FGF14: variants seen among roughly 807,000 people sequenced by gnomAD.
The protein encoded by FGF14 is fibroblast growth factor homologous factor 4.
In FGF14, 5 loss-of-function variants were observed where a neutral mutation model predicts 25.5. That is an observed-to-expected ratio of 0.20 (90% CI 0.10 to 0.41). The LOEUF is 0.41. Ranked by LOEUF, FGF14 falls within the 10% of genes least tolerant of loss-of-function variation. The pLI is 1.00. For missense variants in FGF14, 222 were observed against 320.1 expected (o/e 0.69, Z 2.34); for synonymous variants, 138 against 118.3 (o/e 1.17, Z -1.08).
upstream of FGF14, among the ~76,000 whole-genome samples, chr13:101,921,726 A>G (rs1216459289): frequency 2.6e-5 from 4 of 152,054 alleles, no homozygotes; most frequent in Non-Finnish European, 5.9e-5. Flanking sequence ...TTGTTCTCTG[A>G]CATCATCTCT....
At chr13:102,391,266 C>T (rs1406709742) in intron 1 of FGF14, among the ~76,000 whole-genome samples, 6 of 152,146 alleles carry the variant, frequency 3.9e-5, no homozygotes, top group Admixed American at 3.9e-4. Context: ...CACTTTGCTA[C>T]AACAAAGGGC....
At chr13:101,800,562 T>C (rs2040812323) in intron 3 of FGF14, among the ~76,000 whole-genome samples, 1 of 152,196 alleles carries the variant, frequency 6.6e-6, no homozygotes. Context: ...CTTCTAACTA[T>C]AATGCAATAA....
chr13:102,096,872 T>G (rs1188559645), intron 1 of FGF14, among the ~76,000 whole-genome samples: 1 of 152,316 alleles, frequency 6.6e-6, no homozygotes, highest in African/African-American at 2.4e-5. Context: ...ATTTAAAAAA[T>G]AAGAAGAAGA....
chr13:102,141,055 C>T (rs984378032), intron 1 of FGF14, among the ~76,000 whole-genome samples: 2 of 152,314 alleles, frequency 1.3e-5, no homozygotes, highest in South Asian at 2.1e-4. Context: ...TGACAGTAAA[C>T]ATGGCTACCA....
rs141896098 is a variant in FGF14 at position 101,835,510 on chromosome 13, A to G, written c.408+33215T>C. Among the ~76,000 whole-genome samples, 301 of 152,104 alleles carry G rather than the reference A, an allele frequency of 2.0e-3. 2 individuals carry two copies. The highest frequency in any genetic ancestry group is 7.1e-3 in the African/African-American group (293 of 41,516). On this transcript the variant is annotated intron_variant, in intron 3 of 4. Transcript: ENST00000376143. Reference sequence around the variant, plus strand: ...GGTCGACTATATCTTGTTATTGCCAATATAGCAGGGTAATCGATATGACTT... The same window carrying G: ...GGTCGACTATATCTTGTTATTGCCAGTATAGCAGGGTAATCGATATGACTT...
chr13:102,072,437 A>C (rs954767468), intron 1 of FGF14, among the ~76,000 whole-genome samples: 3 of 152,252 alleles, frequency 2.0e-5, no homozygotes, highest in African/African-American at 7.2e-5. Context: ...ATAAGGAATC[A>C]TCAAGAACAA....
intron 1 of FGF14, among the ~76,000 whole-genome samples, chr13:102,131,909 T>C (rs1003973188): frequency 2.6e-5 from 4 of 152,218 alleles, no homozygotes; most frequent in African/African-American, 9.6e-5. Context: ...AAAGTCAATA[T>C]TACCAACTGT....
chr13:101,950,298 A>C (rs745679682), intron 1 of FGF14, among the ~76,000 whole-genome samples: 24 of 152,230 alleles, frequency 1.6e-4, no homozygotes, highest in Non-Finnish European at 3.2e-4. Flanking sequence ...CATGTAGCTG[A>C]ATGTATCCTA....
At chr13:102,338,083 T>C (rs572957970) in intron 1 of FGF14, among the ~76,000 whole-genome samples, 10 of 152,082 alleles carry the variant, frequency 6.6e-5, no homozygotes, top group Non-Finnish European at 1.5e-4. Context: ...ATATTTTGTC[T>C]GGTTTTTTTT....
At chr13:101,960,730 A>G (rs977983241) in intron 1 of FGF14, among the ~76,000 whole-genome samples, 2 of 152,194 alleles carry the variant, frequency 1.3e-5, no homozygotes, top group Admixed American at 1.3e-4. Context: ...GCCAGGTCAA[A>G]CGGTATTTCT....
At chr13:102,112,461 T>C (rs1352961594) in intron 1 of FGF14, among the ~76,000 whole-genome samples, 1 of 152,222 alleles carries the variant, frequency 6.6e-6, no homozygotes, top group Non-Finnish European at 1.5e-5. Context: ...AAGTTTTGTA[T>C]TGATTTTTTT....
chr13:102,048,770 C>T (rs964493887), intron 1 of FGF14, among the ~76,000 whole-genome samples: 13 of 152,128 alleles, frequency 8.5e-5, no homozygotes, highest in African/African-American at 2.7e-4. Context: ...GAGTTTGTGC[C>T]CAATTCCAGA....
At chr13:101,867,450 C>T (rs990064105) in intron 3 of FGF14, among the ~76,000 whole-genome samples, 2 of 152,080 alleles carry the variant, frequency 1.3e-5, no homozygotes, top group African/African-American at 4.8e-5. Flanking sequence ...GAACTAGAAG[C>T]TACAGTAGAC....
chr13:102,083,809 A>C (rs1167152849), intron 1 of FGF14, among the ~76,000 whole-genome samples: 1 of 152,252 alleles, frequency 6.6e-6, no homozygotes, highest in Non-Finnish European at 1.5e-5. Flanking sequence ...TCATTGACTC[A>C]GAATAAACTT....
chr13:101,944,553 CTT>C (rs1317166368), intron 1 of FGF14, among the ~76,000 whole-genome samples: 1 of 152,154 alleles, frequency 6.6e-6, no homozygotes, highest in African/African-American at 2.4e-5. Flanking sequence ...AAGATTAAAA[CTT>C]AATTACAATA....
chr13:101,910,156 C>A (rs370287181), intron 1 of FGF14, among the ~76,000 whole-genome samples: 1 of 151,944 alleles, frequency 6.6e-6, no homozygotes, highest in South Asian at 2.1e-4. Context: ...TGACGAGTTA[C>A]TGGGTGCAGC....
intron 1 of FGF14, among the ~76,000 whole-genome samples, chr13:102,351,649 A>T (rs1753048730): frequency 6.6e-6 from 1 of 152,222 alleles, no homozygotes; most frequent in African/African-American, 2.4e-5. Flanking sequence ...AGGGACTGGC[A>T]GGTCCACTTC....
At chr13:101,790,904 A>G (rs750829940) in intron 3 of FGF14, among the ~76,000 whole-genome samples, 1 of 152,186 alleles carries the variant, frequency 6.6e-6, no homozygotes, top group Non-Finnish European at 1.5e-5. Context: ...TGTACCAACT[A>G]TAACGTGAAT....
intron 1 of FGF14, among the ~76,000 whole-genome samples, chr13:102,121,446 AT>A (rs2045721116): frequency 1.3e-5 from 2 of 151,954 alleles, no homozygotes; most frequent in African/African-American, 4.8e-5. Context: ...GAATAAAAAA[AT>A]CTATTTGATT....
Sources: gnomAD v4.1 joint callset for allele counts (sites outside exome capture counted in the v4.1 genomes callset) on GRCh38, gnomAD v4.1.1 for gene constraint, MANE v1.5 for transcripts, NCBI Gene and HGNC (gene_info 2026-07-23, HGNC 2026-07-21) for gene names.